The following L3MBTL2 variants were observed in gnomAD, a reference collection of about 807,000 sequenced individuals.
L3MBTL2 encodes L3MBTL histone methyl-lysine binding protein 2.
Under a neutral mutation model 86.4 loss-of-function variants are expected in L3MBTL2, and 49 were observed. The observed-to-expected ratio is 0.57, with a 90% confidence interval of 0.45 to 0.72. L3MBTL2 has a LOEUF of 0.72. L3MBTL2 is among the 30% of genes least tolerant of loss of function. The pLI is 0.00. For missense variants in L3MBTL2, 755 were observed against 923.7 expected (o/e 0.82, Z 2.37); for synonymous variants, 336 against 350.6 (o/e 0.96, Z 0.47).
At chr22:41,222,489 A>G (rs1041734967) in intron 8 of L3MBTL2, among the ~76,000 whole-genome samples, 2 of 152,194 alleles carry the variant, frequency 1.3e-5, no homozygotes, top group Non-Finnish European at 2.9e-5. Context: ...AGTCACATAT[A>G]TACATGGTAA....
intron 8 of L3MBTL2, among the ~76,000 whole-genome samples, chr22:41,222,075 G>C (rs981517021): frequency 6.7e-5 from 10 of 150,020 alleles, no homozygotes; most frequent in Non-Finnish European, 1.3e-4. Flanking sequence ...GCTAATTTTT[G>C]TATTTTTAGT....
intron 8 of L3MBTL2, among the ~76,000 whole-genome samples, chr22:41,222,155 G>A (rs538903226): frequency 6.6e-6 from 1 of 152,088 alleles, no homozygotes; most frequent in Non-Finnish European, 1.5e-5. Context: ...CACCTGCCTC[G>A]GCCTCCCAAA....
intron 16 of L3MBTL2, 70 bp downstream of exon 16, chr22:41,229,726 C>G: frequency 3.1e-6 from 5 of 1,611,692 alleles, no homozygotes; most frequent in Non-Finnish European, 4.2e-6. Context: ...CTTCTCCTTC[C>G]CCACCTGGGC....
At chr22:41,218,700 A>G (rs989600928) in intron 5 of L3MBTL2, 1 of 152,220 alleles carries the variant, frequency 6.6e-6, no homozygotes, top group African/African-American at 2.4e-5. Context: ...CTCAGCTCAC[A>G]GCAGCCTCCC....
In L3MBTL2 at chr22:41,224,642, T is replaced by C. The variant is rs559047787; in HGVS notation, c.1175-83T>C. 619 of 1,001,972 alleles carry C rather than the reference T, an allele frequency of 6.2e-4. 4 individuals carry two copies. Among genetic ancestry groups the C allele is most frequent in the Admixed American group, 2.1e-4 (12 of 57,586 alleles). The allele number at this position is 1,001,972 out of a possible 1,614,324, so 62.1% of individuals were successfully genotyped here. On this transcript the variant is annotated intron_variant, in intron 9 of 16. Coordinates refer to ENST00000216237, the MANE Select transcript of L3MBTL2 (RefSeq NM_031488.5). The surrounding 1 kb of genome is among the most constrained non-coding windows in gnomAD (Gnocchi z 4.9). ...GAACACGTGCAGAGCAGCCCCACATTCCCAGGGGAGGCGTGTGGAGATGGC... is the reference window on the plus strand; with the variant it reads ...GAACACGTGCAGAGCAGCCCCACATCCCCAGGGGAGGCGTGTGGAGATGGC...
At chr22:41,219,095 G>A (rs1480123339) in intron 5 of L3MBTL2, 3 of 248,510 alleles carry the variant, frequency 1.2e-5, no homozygotes, top group Non-Finnish European at 2.5e-5. Context: ...GCACAGGGAC[G>A]AAGGGATCGA....
In L3MBTL2 at chr22:41,214,098, C is replaced by T; in HGVS notation, c.396+72C>T. On this transcript the variant is annotated intron_variant, in intron 3 of 16. Transcript: ENST00000216237. Reference sequence around the variant, plus strand: ...ACAGGAACCACCAAGTGACTGAAGGCCAGGGCCAGGAAAGTTTGAAAAGGT... The same window carrying T: ...ACAGGAACCACCAAGTGACTGAAGGTCAGGGCCAGGAAAGTTTGAAAAGGT... 7 of 1,543,372 alleles carry T rather than the reference C, an allele frequency of 4.5e-6. No homozygotes were observed. In the South Asian group the frequency reaches 6.8e-5, roughly 15 times the overall value.
Position 41,209,852 on chromosome 22 carries a change from G to A in L3MBTL2, c.181G>A (p.Ala61Thr). 1.2e-6 allele frequency: 2 copies of A among 1,614,196 alleles called. No homozygotes were observed. Among genetic ancestry groups the A allele is most frequent in the Non-Finnish European group, 8.5e-7 (1 of 1,180,048 alleles). Residue 61 changes from alanine (A) to threonine (T), a missense_variant, in exon 2 of 17, where the codon GCA becomes ACA. Around this residue, in one of 3 missense-constraint regions of L3MBTL2, gnomAD observed 103 missense variants for 105.2 expected, o/e 0.98. Transcript: ENST00000216237. The stretch of plus-strand genomic sequence containing the variant: ...TGAAGCAGAAAATGAGGATCGGGAA[G>A]CAGGGGAACTGCCGACCTCCCCGCT... ...SSEAENEDRE[A>T]GELPTSPLHL...
rs1378237398 is a variant in L3MBTL2 at position 41,217,554 on chromosome 22, C to CTGGGCCCCG, written c.600+362_600+370dup. 5.0e-5 allele frequency: 12 copies of CTGGGCCCCG among 238,582 alleles called. No homozygotes were observed. In the East Asian group the frequency reaches 1.4e-3, roughly 27 times the overall value. 14.8% of individuals were successfully genotyped at this position (238,582 alleles called of 1,614,324 possible). A position where few individuals can be genotyped will look rare whatever the true frequency, so the allele number is the denominator to read the frequency against. On this transcript the variant is annotated intron_variant, in intron 5 of 16. Transcript: ENST00000216237. ...AAAGCAGGGTGCTTCTGTAGCTGGC[C>CTGGGCCCCG]TGGGCCCCGTGGGCCCCGAGAGGCA...
At chr22:41,228,963 A>C (rs1216070674) in intron 15 of L3MBTL2, among the ~76,000 whole-genome samples, 1 of 152,170 alleles carries the variant, frequency 6.6e-6, no homozygotes, top group South Asian at 2.1e-4. Flanking sequence ...AGAAATCAAC[A>C]ATCAAAAACG....
Position 41,224,359 on chromosome 22 carries a change from G to GC in L3MBTL2, c.1174+114dup. On this transcript the variant is annotated intron_variant, in intron 9 of 16. Transcript: ENST00000216237. The surrounding 1 kb of genome is among the most constrained non-coding windows in gnomAD (Gnocchi z 4.9). ...AGGTCAGCAGGTGGAGGTTGGCATGGCCCCCCTGCAGTGATGATACTGAGC... is the reference window on the plus strand; with the variant it reads ...AGGTCAGCAGGTGGAGGTTGGCATGGCCCCCCCTGCAGTGATGATACTGAGC... 2 of 804,396 alleles carry GC rather than the reference G, an allele frequency of 2.5e-6. No homozygotes were observed. The highest frequency in any genetic ancestry group is 4.0e-6 in the Non-Finnish European group (2 of 502,168). 49.8% of individuals were successfully genotyped at this position (804,396 alleles called of 1,614,324 possible).
intron 2 of L3MBTL2, among the ~76,000 whole-genome samples, chr22:41,210,482 A>G (rs1013538152): frequency 1.3e-5 from 2 of 152,172 alleles, no homozygotes; most frequent in Admixed American, 6.5e-5. Context: ...GGCGCCCGCC[A>G]TGACGCCCGG....
intron 2 of L3MBTL2, among the ~76,000 whole-genome samples, chr22:41,210,475 G>A (rs899816795): frequency 5.9e-5 from 9 of 152,204 alleles, no homozygotes; most frequent in African/African-American, 1.9e-4. Context: ...GACTACAGGC[G>A]CCCGCCATGA....
chr22:41,221,436 G>A lies in L3MBTL2; in HGVS notation c.942+149G>A, dbSNP rs188191169. 351 of 694,532 alleles carry A rather than the reference G, an allele frequency of 5.1e-4. 1 individual carries two copies. The East Asian group carries it at 8.5e-3, about 17-fold the overall frequency. 43.0% of individuals were successfully genotyped at this position (694,532 alleles called of 1,614,324 possible). On this transcript the variant is annotated intron_variant, in intron 8 of 16. Coordinates refer to ENST00000216237, the MANE Select transcript of L3MBTL2 (RefSeq NM_031488.5). ...TTTTGCAAGGCTAGAGACAAATGCT[G>A]CTGCTACGTGGTTGCCATCTGCCTT...
chr22:41,207,277 T>C (rs1007559627), intron 1 of L3MBTL2, among the ~76,000 whole-genome samples: 10 of 142,308 alleles, frequency 7.0e-5, no homozygotes, highest in Non-Finnish European at 1.1e-4. Flanking sequence ...AGGGTTGCTC[T>C]CTGTCACCCA....
At position 41,209,870 on chromosome 22, in the gene L3MBTL2, T is replaced by G. The variant is rs2030572364; in HGVS notation, c.199T>G (p.Ser67Ala). ...TCGGGAAGCAGGGGAACTGCCGACC[T>G]CCCCGCTGCATTTGCTCAGCCCTGG... is the stretch of plus-strand genomic sequence containing the variant. Reference protein sequence around the residue: ...EDREAGELPTSPLHLLSPGTP... With the variant: ...EDREAGELPTAPLHLLSPGTP... Residue 67 changes from serine (S) to alanine (A), a missense_variant, in exon 2 of 17, where the codon TCC becomes GCC. Ser to Ala is a moderately conservative substitution (Grantham distance 99, BLOSUM62 1). This residue lies in a region of L3MBTL2 where 103 missense variants were observed against 105.2 expected (regional missense o/e 0.98). Transcript: ENST00000216237. 3 of 1,614,082 alleles carry G rather than the reference T, an allele frequency of 1.9e-6. No homozygotes were observed. Among genetic ancestry groups the G allele is most frequent in the Non-Finnish European group, 2.5e-6 (3 of 1,180,002 alleles).
intron 12 of L3MBTL2, 145 bp from the exon 13 acceptor site, chr22:41,226,517 C>G: frequency 1.5e-6 from 1 of 686,950 alleles, no homozygotes; most frequent in South Asian, 1.5e-5. Flanking sequence ...AGGTACTACC[C>G]TGAGGGGATG....
intron 5 of L3MBTL2, chr22:41,218,255 A>G (rs139466): frequency 0.74 from 113,044 of 152,132 alleles, 42,956 homozygotes; most frequent in African/African-American, 0.91. Flanking sequence ...GCTTACCCCT[A>G]TAATCCCAGC....
intron 8 of L3MBTL2, among the ~76,000 whole-genome samples, chr22:41,222,291 G>A (rs1268181083): frequency 2.0e-5 from 3 of 152,164 alleles, no homozygotes; most frequent in Non-Finnish European, 4.4e-5. Flanking sequence ...GGAAACAAAA[G>A]CCATGCACAC....
Sources: gnomAD v4.1 joint callset for allele counts (sites outside exome capture counted in the v4.1 genomes callset) on GRCh38, gnomAD v4.1.1 for gene constraint, gnomAD v4.1.1 regional missense constraint, Gnocchi (gnomAD v3.1) non-coding constraint, MANE v1.5 for transcripts, NCBI Gene and HGNC (gene_info 2026-07-23, HGNC 2026-07-21) for gene names.